The following PARD3 variants were observed in gnomAD, a reference collection of about 807,000 sequenced individuals.
PARD3 encodes par-3 family cell polarity regulator.
PARD3 carries 75 observed loss-of-function variants against 155.4 expected under a neutral mutation model. The ratio of observed to expected loss-of-function variants is 0.48; its 90% confidence interval spans 0.40 to 0.58. The LOEUF is 0.58. Ranked by LOEUF, PARD3 falls within the 20% of genes least tolerant of loss-of-function variation. The probability of loss-of-function intolerance (pLI) is 0.00; values close to 1 mark genes in which losing one functional copy is unlikely to be tolerated. For synonymous variants in PARD3, 576 were observed against 610.5 expected, an observed-to-expected ratio of 0.94 and a Z score of 0.83; for missense variants, 1,642 against 1,721.7, an observed-to-expected ratio of 0.95 and a Z score of 0.82.
intron 2 of PARD3, among the ~76,000 whole-genome samples, chr10:34,553,997 T>G (rs1207995133): frequency 1.3e-5 from 2 of 152,218 alleles, no homozygotes; most frequent in Non-Finnish European, 2.9e-5. Flanking sequence ...ATACAAAAAT[T>G]TACTGTGGAT....
chr10:34,378,042 G>C lies in PARD3; in HGVS notation c.1464C>G (p.Ile488Met). 6.3e-7 allele frequency: 1 copy of C among 1,596,526 alleles called. No homozygotes were observed. The highest frequency in any genetic ancestry group is 8.5e-7 in the Non-Finnish European group (1 of 1,172,820). Residue 488 changes from isoleucine (I) to methionine (M), a missense_variant, in exon 10 of 25, where the codon ATC becomes ATG. By Grantham distance (10) the Ile-to-Met change is conservative (BLOSUM62 1). Coordinates refer to ENST00000374788, the MANE Select transcript of PARD3 (RefSeq NM_001184785.2). ...RDVTIGGSAP[I>M]YVKNILPRGA... ...CCCGGGGGAGAATGTTTTTCACATA[G>C]ATTGGAGCTGAGCCACCTATTGTTA...
Position 34,371,486 on chromosome 10 carries a change from C to CAAAAAAAAAAAAA in PARD3, c.1707+999_1707+1011dup, listed in dbSNP as rs968034029. Among the ~76,000 whole-genome samples, 7 of 22,750 alleles carry CAAAAAAAAAAAAA rather than the reference C, an allele frequency of 3.1e-4. 2 individuals carry two copies. The highest frequency in any genetic ancestry group is 1.6e-3 in the East Asian group (1 of 626). 14.9% of individuals were successfully genotyped at this position (22,750 alleles called of 152,430 possible). ...ATGAAATATGGTGAGATTCTAGACT[C>CAAAAAAAAAAAAA]AAAAAAAAAAAAAAAAAAAAAAAAA... On this transcript the variant is annotated intron_variant, in intron 12 of 24. Transcript: ENST00000374788.
intron 2 of PARD3, among the ~76,000 whole-genome samples, chr10:34,669,943 T>C (rs984589051): frequency 6.6e-6 from 1 of 152,240 alleles, no homozygotes; most frequent in Non-Finnish European, 1.5e-5. Flanking sequence ...GCTACACCTA[T>C]GTGTCTAAAA....
intron 1 of PARD3, among the ~76,000 whole-genome samples, chr10:34,798,431 G>A (rs117407457): frequency 7.9e-5 from 12 of 151,838 alleles, no homozygotes; most frequent in East Asian, 5.8e-4. Context: ...CATGCCGGGC[G>A]CAGTGGCTCA....
chr10:34,810,559 A>G (rs1399798527), intron 1 of PARD3, among the ~76,000 whole-genome samples: 1 of 152,184 alleles, frequency 6.6e-6, no homozygotes, highest in Non-Finnish European at 1.5e-5. Flanking sequence ...CACACATGCA[A>G]CACACAATTT....
chr10:34,189,179 AT>A (rs1172418900), intron 22 of PARD3, among the ~76,000 whole-genome samples: 1 of 152,068 alleles, frequency 6.6e-6, no homozygotes, highest in Non-Finnish European at 1.5e-5. Flanking sequence ...AAAAATAAAA[AT>A]AAAAATAATA....
At chr10:34,443,850 A>G (rs1364267065) in intron 5 of PARD3, among the ~76,000 whole-genome samples, 1 of 152,198 alleles carries the variant, frequency 6.6e-6, no homozygotes, top group Non-Finnish European at 1.5e-5. Context: ...ATATAAAATA[A>G]AAAGGAAAAA....
At chr10:34,710,750 A>T (rs1264312790) in intron 1 of PARD3, among the ~76,000 whole-genome samples, 5 of 152,212 alleles carry the variant, frequency 3.3e-5, no homozygotes, top group Non-Finnish European at 7.3e-5. Flanking sequence ...GACAGAGAAG[A>T]TGCTCAATAA....
Position 34,488,842 on chromosome 10 carries a change from A to C in PARD3, c.404-18579T>G, listed in dbSNP as rs571092555. ...ATGCTAGACACCCTGGCATCTGTGA[A>C]GATGGTGATGCAGTGGCACTTGATC... On this transcript the variant is annotated intron_variant, in intron 3 of 24. Transcript: ENST00000374788. 34 of 154,922 alleles carry C rather than the reference A, an allele frequency of 2.2e-4. No individual in the cohort carries two copies. The East Asian group carries it at 5.4e-3, about 24-fold the overall frequency. 9.6% of individuals were successfully genotyped at this position (154,922 alleles called of 1,614,324 possible). A position where few individuals can be genotyped will look rare whatever the true frequency, so the allele number is the denominator to read the frequency against.
chr10:34,408,655 G>A (rs1844739307), intron 5 of PARD3, among the ~76,000 whole-genome samples: 1 of 152,004 alleles, frequency 6.6e-6, no homozygotes, highest in South Asian at 2.1e-4. Flanking sequence ...GAAAACAATT[G>A]AAAACATCTG....
intron 1 of PARD3, among the ~76,000 whole-genome samples, chr10:34,750,897 C>T (rs532183059): frequency 6.6e-6 from 1 of 152,256 alleles, no homozygotes; most frequent in Admixed American, 6.5e-5. Context: ...CCATGTTGGC[C>T]AGGCTGGTCT....
chr10:34,120,873 C>G (rs1339080914), intron 23 of PARD3, among the ~76,000 whole-genome samples: 2 of 152,070 alleles, frequency 1.3e-5, no homozygotes, highest in Non-Finnish European at 2.9e-5. Context: ...CTGGGCACCA[C>G]AGTGAGACCC....
chr10:34,612,321 T>C (rs983163011), intron 2 of PARD3, among the ~76,000 whole-genome samples: 2 of 152,164 alleles, frequency 1.3e-5, no homozygotes, highest in African/African-American at 4.8e-5. Flanking sequence ...ATTCCAAATA[T>C]ACCACCAAAA....
At chr10:34,274,994 A>G (rs975205470) in intron 21 of PARD3, among the ~76,000 whole-genome samples, 1 of 152,174 alleles carries the variant, frequency 6.6e-6, no homozygotes, top group Non-Finnish European at 1.5e-5. Context: ...AATATTAATT[A>G]GCAGTCAATT....
chr10:34,656,836 T>C (rs2093180318), intron 2 of PARD3, among the ~76,000 whole-genome samples: 1 of 152,220 alleles, frequency 6.6e-6, no homozygotes, highest in Admixed American at 6.5e-5. Flanking sequence ...CTATCTGTAT[T>C]AAGGCCTTGT....
intron 2 of PARD3, among the ~76,000 whole-genome samples, chr10:34,651,450 C>T (rs531977821): frequency 1.3e-5 from 2 of 152,312 alleles, no homozygotes; most frequent in African/African-American, 4.8e-5. Flanking sequence ...AAGCCCCTTC[C>T]CTGCCCACCA....
intron 2 of PARD3, among the ~76,000 whole-genome samples, chr10:34,670,964 C>T (rs1344054806): frequency 6.6e-6 from 1 of 152,166 alleles, no homozygotes; most frequent in Non-Finnish European, 1.5e-5. Context: ...CATCGGCGGC[C>T]ATCAAGTTTT....
intron 21 of PARD3, among the ~76,000 whole-genome samples, chr10:34,283,579 G>A (rs191359130): frequency 6.6e-5 from 10 of 152,120 alleles, no homozygotes; most frequent in East Asian, 3.9e-4. Context: ...CAATCTATCC[G>A]GAAGACATGG....
intron 1 of PARD3, among the ~76,000 whole-genome samples, chr10:34,722,937 T>A (rs1209858382): frequency 6.6e-6 from 1 of 152,184 alleles, no homozygotes; most frequent in Non-Finnish European, 1.5e-5. Context: ...GAAACAAGAT[T>A]GGCCAAAAAT....
Sources: gnomAD v4.1 joint callset for allele counts (sites outside exome capture counted in the v4.1 genomes callset) on GRCh38, gnomAD v4.1.1 for gene constraint, MANE v1.5 for transcripts, NCBI Gene and HGNC (gene_info 2026-07-23, HGNC 2026-07-21) for gene names.